The following SNRNP70 variants were observed in gnomAD, a reference collection of about 807,000 sequenced individuals.
SNRNP70 encodes U1 small nuclear ribonucleoprotein 70 kDa.
A neutral mutation model predicts 50.5 loss-of-function variants in SNRNP70; 8 were observed. That is an observed-to-expected ratio of 0.16 (90% CI 0.09 to 0.29). SNRNP70 has a LOEUF of 0.29. Among genes scored for constraint, SNRNP70 ranks in the 10% least tolerant of loss-of-function variants. The pLI is 1.00. For missense variants in SNRNP70, 529 were observed against 663.5 expected (o/e 0.80, Z 2.23); for synonymous variants, 320 against 252.9 (o/e 1.27, Z -2.52).
Position 49,108,557 on chromosome 19 carries a change from A to C in SNRNP70, c.*114A>C. 2 of 1,332,848 alleles carry C rather than the reference A, an allele frequency of 1.5e-6. No individual in the cohort carries two copies. The highest frequency in any genetic ancestry group is 2.0e-6 in the Non-Finnish European group (2 of 991,102). The allele number at this position is 1,332,848 out of a possible 1,614,324, so 82.6% of individuals were successfully genotyped here. ...TTTGTCCTCCAAGGGTAGGTGTCTC[A>C]TTTGTTCTGGCCCCTTGGATTTAAA... is the stretch of plus-strand genomic sequence containing the variant. On this transcript the variant is annotated 3_prime_UTR_variant, in exon 10 of 10. Coordinates refer to ENST00000598441, the MANE Select transcript of SNRNP70 (RefSeq NM_003089.6).
Position 49,092,454 on chromosome 19 carries a change from G to A in SNRNP70, c.265+1934G>A, listed in dbSNP as rs540233223. Among the ~76,000 whole-genome samples, 31 of 149,530 alleles carry A rather than the reference G, an allele frequency of 2.1e-4. No individual in the cohort carries two copies. In the East Asian group the frequency reaches 4.4e-3, roughly 21 times the overall value. ...GACGGAGTCACGCTCTCTCAATCAG[G>A]CTGGAGTGCAGTGGTACTATCTTAG... is the stretch of plus-strand genomic sequence containing the variant. On this transcript the variant is annotated intron_variant, in intron 4 of 9. Transcript: ENST00000598441.
Position 49,085,651 on chromosome 19 carries a change from C to T in SNRNP70, c.-11+15C>T, listed in dbSNP as rs1568416019. 4.4e-6 allele frequency: 2 copies of T among 455,958 alleles called. No individual in the cohort carries two copies. Among genetic ancestry groups the T allele is most frequent in the Non-Finnish European group, 8.8e-6 (2 of 226,726 alleles). 28.2% of individuals were successfully genotyped at this position (455,958 alleles called of 1,614,324 possible). A position where few individuals can be genotyped will look rare whatever the true frequency, so the allele number is the denominator to read the frequency against. Reference sequence around the variant, plus strand: ...GGCGCTACGCGGTGAGTGAGTGTGACTGAGTGGCCCGACGGGGTGCGGGGC... The same window carrying T: ...GGCGCTACGCGGTGAGTGAGTGTGATTGAGTGGCCCGACGGGGTGCGGGGC... On this transcript the variant is annotated intron_variant, in intron 1 of 9. Transcript: ENST00000598441.
In SNRNP70 at chr19:49,085,478, C is replaced by T. The variant is rs2040363646; in HGVS notation, c.-169C>T. The T allele has an allele frequency of 4.5e-6, 2 of 441,510 alleles. No homozygotes were observed. Among genetic ancestry groups the T allele is most frequent in the South Asian group, 1.6e-5 (1 of 63,298 alleles). 27.3% of individuals were successfully genotyped at this position (441,510 alleles called of 1,614,324 possible). A position where few individuals can be genotyped will look rare whatever the true frequency, so the allele number is the denominator to read the frequency against. Reference sequence around the variant, plus strand: ...TCGCTATCGGAGGCCGCGCGGGTGGCTGAGCAGCGGCCTGGTGCGCTCGCT... The same window carrying T: ...TCGCTATCGGAGGCCGCGCGGGTGGTTGAGCAGCGGCCTGGTGCGCTCGCT... On this transcript the variant is annotated 5_prime_UTR_variant, in exon 1 of 10. Coordinates refer to ENST00000598441, the MANE Select transcript of SNRNP70 (RefSeq NM_003089.6).
In SNRNP70 at chr19:49,107,845, G is replaced by A; in HGVS notation, c.716G>A (p.Arg239Gln). The A allele has an allele frequency of 1.3e-6, 2 of 1,571,648 alleles. No homozygotes were observed. Among genetic ancestry groups the A allele is most frequent in the Non-Finnish European group, 1.7e-6 (2 of 1,158,874 alleles). ...AGGGACCGGGACCGGGACCGTGAGCGGGAGCGCAGAGAGCGGAGCCGGGAG... is the reference window on the plus strand; with the variant it reads ...AGGGACCGGGACCGGGACCGTGAGCAGGAGCGCAGAGAGCGGAGCCGGGAG... ...PHRDRDRDRE[R>Q]ERRERSRERD... is the part of the protein sequence containing the mutation. The change falls in exon 10 of 10, where the codon CGG (arginine) becomes CAG (glutamine). Residue 239 changes from arginine to glutamine, a missense_variant. Physicochemically the swap from Arg to Gln is conservative, Grantham distance 43. Coordinates refer to ENST00000598441, the MANE Select transcript of SNRNP70 (RefSeq NM_003089.6). The surrounding 1 kb of genome is among the most constrained non-coding windows in gnomAD (Gnocchi z 6.0).
At chr19:49,086,962 G>T (rs1383057546) in intron 2 of SNRNP70, among the ~76,000 whole-genome samples, 1 of 152,040 alleles carries the variant, frequency 6.6e-6, no homozygotes, top group Non-Finnish European at 1.5e-5. Context: ...GAGGCAGGCG[G>T]ATCACTTGAG....
chr19:49,108,491 C>T lies in SNRNP70; in HGVS notation c.*48C>T, dbSNP rs1366169006. Reference sequence around the variant, plus strand: ...TGTGTTTGGACGCGTTCCTGCCCAGCCCCTTGCTGTCATCCCCTCCCCCAA... The same window carrying T: ...TGTGTTTGGACGCGTTCCTGCCCAGTCCCTTGCTGTCATCCCCTCCCCCAA... On this transcript the variant is annotated 3_prime_UTR_variant, in exon 10 of 10. Transcript: ENST00000598441. The T allele has an allele frequency of 1.3e-6, 2 of 1,543,450 alleles. No individual in the cohort carries two copies. Among genetic ancestry groups the T allele is most frequent in the East Asian group, 4.9e-5 (2 of 40,972 alleles).
chr19:49,091,906 G>A (rs1226493232), intron 4 of SNRNP70, among the ~76,000 whole-genome samples: 1 of 152,126 alleles, frequency 6.6e-6, no homozygotes, highest in African/African-American at 2.4e-5. Flanking sequence ...TGCCGGTCAT[G>A]ACCTCATTTT....
intron 1 of SNRNP70, 28 bp downstream of exon 1, chr19:49,085,664 C>T (rs2040367787): frequency 4.4e-6 from 2 of 455,690 alleles, no homozygotes; most frequent in Admixed American, 2.3e-5. Context: ...AGTGGCCCGA[C>T]GGGGTGCGGG....
intron 4 of SNRNP70, 191 bp downstream of exon 4, chr19:49,090,711 G>A (rs907769514): frequency 6.5e-6 from 4 of 610,886 alleles, no homozygotes; most frequent in African/African-American, 1.9e-5. Context: ...CAGAACATAG[G>A]GTAAAAGTTG....
chr19:49,091,325 C>T (rs1261879721), intron 4 of SNRNP70, among the ~76,000 whole-genome samples: 9 of 149,770 alleles, frequency 6.0e-5, no homozygotes, highest in Non-Finnish European at 1.5e-5. Context: ...GCCGGGATCG[C>T]GTCGGCTCAC....
intron 7 of SNRNP70, chr19:49,103,165 C>CG (rs1409152971): frequency 6.6e-6 from 1 of 152,482 alleles, no homozygotes; most frequent in Non-Finnish European, 1.5e-5. Flanking sequence ...CAGTGTGACT[C>CG]GGGGATTGGT....
chr19:49,087,279 C>G (rs1381225968), intron 2 of SNRNP70, among the ~76,000 whole-genome samples: 3 of 151,802 alleles, frequency 2.0e-5, no homozygotes, highest in Middle Eastern at 3.4e-3. Flanking sequence ...CTAACCCACA[C>G]CATTTATCAG....
In SNRNP70 at chr19:49,104,130, C is replaced by T; in HGVS notation, c.476-504C>T. 1 of 152,320 alleles carries T rather than the reference C, an allele frequency of 6.6e-6. No individual in the cohort carries two copies. The allele number at this position is 152,320 out of a possible 1,614,324, so 9.4% of individuals were successfully genotyped here. On this transcript the variant is annotated intron_variant, in intron 7 of 9. Transcript: ENST00000598441. This position sits in a 1 kb window ranked among gnomAD's most constrained non-coding sequence, Gnocchi z 5.4. ...TTCTGATGTCTGTTCCCCCCACACT[C>T]ACCCCCCTCCAAAAAAAACAAAAAC... is the stretch of plus-strand genomic sequence containing the variant.
intron 6 of SNRNP70, among the ~76,000 whole-genome samples, chr19:49,099,669 G>A (rs2040556943): frequency 6.6e-6 from 1 of 150,680 alleles, no homozygotes; most frequent in African/African-American, 2.4e-5. Context: ...AACCCAGGAG[G>A]CGGAGGTTGC....
At chr19:49,100,823 AAAAG>A (rs1221919281) in intron 6 of SNRNP70, among the ~76,000 whole-genome samples, 3 of 149,346 alleles carry the variant, frequency 2.0e-5, no homozygotes, top group African/African-American at 5.0e-5. Flanking sequence ...AAAAAAAAAA[AAAAG>A]AATTCCCGTC....
intron 2 of SNRNP70, among the ~76,000 whole-genome samples, chr19:49,088,199 CTTTTTTTTTTTT>C (rs34075997): frequency 1.1e-5 from 1 of 94,884 alleles, no homozygotes; most frequent in Admixed American, 1.2e-4. Context: ...GAGCCAGGTA[CTTTTTTTTTTTT>C]TTTTTTTTTG....
chr19:49,104,191 C>G lies in SNRNP70; in HGVS notation c.476-443C>G, dbSNP rs1369063482. Reference sequence around the variant, plus strand: ...GGTGTGGTCTGGGGTGCGGAGCGTCCCAGCTGGGCCTCCTGCCCCGGCTTG... The same window carrying G: ...GGTGTGGTCTGGGGTGCGGAGCGTCGCAGCTGGGCCTCCTGCCCCGGCTTG... On this transcript the variant is annotated intron_variant, in intron 7 of 9. Transcript: ENST00000598441. This position sits in a 1 kb window ranked among gnomAD's most constrained non-coding sequence, Gnocchi z 5.4. 1 of 159,370 alleles carries G rather than the reference C, an allele frequency of 6.3e-6. No individual in the cohort carries two copies. The highest frequency in any genetic ancestry group is 2.4e-5 in the African/African-American group (1 of 41,554). 9.9% of individuals were successfully genotyped at this position (159,370 alleles called of 1,614,324 possible).
At chr19:49,101,348 G>A (rs369072916) in intron 6 of SNRNP70, 42 bp from the exon 7 acceptor site, 52 of 1,521,322 alleles carry the variant, frequency 3.4e-5, no homozygotes, top group African/African-American at 8.2e-5. Context: ...GGGCGGAGCC[G>A]CCCTGTGGCA....
intron 4 of SNRNP70, 67 bp downstream of exon 4, chr19:49,090,587 C>A: frequency 1.4e-6 from 2 of 1,467,782 alleles, no homozygotes; most frequent in Non-Finnish European, 1.9e-6. Context: ...CCAGGTCATA[C>A]CCAGGACCCT....
Sources: allele counts gnomAD v4.1 joint callset (sites outside exome capture counted in the v4.1 genomes callset), GRCh38; gene constraint gnomAD v4.1.1; non-coding constraint Gnocchi (gnomAD v3.1); transcripts MANE v1.5; gene names NCBI Gene and HGNC (gene_info 2026-07-23, HGNC 2026-07-21).